The following MIB1 variants were observed in gnomAD, a reference collection of about 807,000 sequenced individuals.
The protein encoded by MIB1 is MIB E3 ubiquitin protein ligase 1, also known as E3 ubiquitin-protein ligase MIB1.
MIB1 carries 278 observed loss-of-function variants against 124.5 expected under a neutral mutation model. That is an observed-to-expected ratio of 2.23 (90% CI 2.02 to 2.47). MIB1 has a LOEUF of 2.47. Ranked by LOEUF, MIB1 falls within the 30% of genes most tolerant of loss-of-function variation. The probability of loss-of-function intolerance (pLI) is 0.00; values close to 1 mark genes in which losing one functional copy is unlikely to be tolerated. For missense variants in MIB1, 957 were observed against 1,254.4 expected (o/e 0.76, Z 3.58); for synonymous variants, 446 against 429.4 (o/e 1.04, Z -0.48).
chr18:21,790,496 T>A (rs2041489710), intron 6 of MIB1, among the ~76,000 whole-genome samples: 1 of 152,138 alleles, frequency 6.6e-6, no homozygotes, highest in Non-Finnish European at 1.5e-5. Context: ...TCTGTGACAC[T>A]AAAAAATAAA....
rs1195745791 is a variant in MIB1 at position 21,768,753 on chromosome 18, G to C, written c.531+1G>C. On this transcript the variant is annotated splice_donor_variant, in intron 3 of 20. Transcript: ENST00000261537. LOFTEE classifies it high-confidence loss of function. ...TGGAGGAAATGGACGTAGGGGAAAGGTACAGTGTTTCTCTGAATTCATTAT... is the reference window on the plus strand; with the variant it reads ...TGGAGGAAATGGACGTAGGGGAAAGCTACAGTGTTTCTCTGAATTCATTAT... 6.2e-7 allele frequency: 1 copy of C among 1,608,276 alleles called. No homozygotes were observed. The highest frequency in any genetic ancestry group is 8.5e-7 in the Non-Finnish European group (1 of 1,177,032).
intron 12 of MIB1, among the ~76,000 whole-genome samples, chr18:21,835,801 C>CTCCACGCA (rs1555695315): frequency 9.8e-6 from 1 of 101,586 alleles, no homozygotes. Context: ...ATATATATAT[C>CTCCACGCA]CACACACACA....
Position 21,772,292 on chromosome 18 carries a change from G to T in MIB1, c.532-1332G>T, listed in dbSNP as rs186530168. 1.7e-3 allele frequency among the ~76,000 whole-genome samples: 265 copies of T among 152,316 alleles called. 1 individual carries two copies. The highest frequency in any genetic ancestry group is 6.0e-3 in the African/African-American group (248 of 41,564). ...GTAACTATGAAGGATGGCTGTGATT[G>T]TAAGTATCAAGATGGAGAAGAGTAA... On this transcript the variant is annotated intron_variant, in intron 3 of 20. Coordinates refer to ENST00000261537, the MANE Select transcript of MIB1 (RefSeq NM_020774.4).
intron 11 of MIB1, among the ~76,000 whole-genome samples, chr18:21,816,023 T>C (rs2041827389): frequency 1.3e-5 from 2 of 152,176 alleles, no homozygotes; most frequent in African/African-American, 4.8e-5. Context: ...TGGGTTTTGA[T>C]TGGGCAGGGA....
chr18:21,781,008 G>A (rs1389501508), intron 6 of MIB1, among the ~76,000 whole-genome samples: 2 of 152,038 alleles, frequency 1.3e-5, no homozygotes, highest in East Asian at 3.9e-4. Context: ...GTCTACAGGT[G>A]TTCCCCTTTT....
chr18:21,764,765 C>T lies in MIB1; in HGVS notation c.230-1007C>T, dbSNP rs1372330619. ...AAAACAAAACAAAACAAAAAAACCC[C>T]ACATTATTTTATACGTAAATACTTC... is the stretch of plus-strand genomic sequence containing the variant. On this transcript the variant is annotated intron_variant, in intron 1 of 20. Transcript: ENST00000261537. Among the ~76,000 whole-genome samples the T allele has an allele frequency of 8.6e-5, 13 of 151,848 alleles. 1 individual carries two copies. Among genetic ancestry groups the T allele is most frequent in the Admixed American group, 7.9e-4 (12 of 15,258 alleles).
Position 21,838,455 on chromosome 18 carries a change from C to T in MIB1, c.1920C>T (p.Ala640=). The T allele has an allele frequency of 6.2e-7, 1 of 1,610,110 alleles. No individual in the cohort carries two copies. ...DDGYTALHLA[A]LNNHVEVAEL... ...GTTATACTGCCTTACATCTGGCTGC[C>T]CTTAATAATCACGTAGAAGTGGCTG... is the stretch of plus-strand genomic sequence containing the variant. Residue 640 remains alanine, a synonymous_variant, in exon 13 of 21, where the codon GCC becomes GCT. Coordinates refer to ENST00000261537, the MANE Select transcript of MIB1 (RefSeq NM_020774.4).
intron 1 of MIB1, among the ~76,000 whole-genome samples, chr18:21,743,902 A>G (rs1286098448): frequency 6.6e-6 from 1 of 152,148 alleles, no homozygotes; most frequent in Non-Finnish European, 1.5e-5. Context: ...CTTAATATAA[A>G]CGTAGATGTT....
intron 1 of MIB1, among the ~76,000 whole-genome samples, chr18:21,747,755 A>AT (rs1568184769): frequency 1.3e-5 from 2 of 152,054 alleles, no homozygotes; most frequent in South Asian, 4.1e-4. Flanking sequence ...TAGATTAGCT[A>AT]TTTCTTTTTG....
chr18:21,790,893 A>G (rs916484260), intron 6 of MIB1, among the ~76,000 whole-genome samples: 2 of 152,212 alleles, frequency 1.3e-5, no homozygotes, highest in African/African-American at 4.8e-5. Flanking sequence ...TCTTTCCCCA[A>G]ATTTGTATAT....
intron 18 of MIB1, chr18:21,854,894 TA>T: frequency 4.9e-6 from 1 of 203,882 alleles, no homozygotes; most frequent in Non-Finnish European, 1.0e-5. Flanking sequence ...CTTCTTGATA[TA>T]AAGGTAAACA....
chr18:21,798,846 T>C (rs1010796983), intron 8 of MIB1, among the ~76,000 whole-genome samples: 2 of 152,100 alleles, frequency 1.3e-5, no homozygotes, highest in Admixed American at 1.3e-4. Context: ...TGTGTGTACA[T>C]GTTGTCATCC....
At chr18:21,807,721 C>T (rs2041724837) in intron 10 of MIB1, among the ~76,000 whole-genome samples, 1 of 152,146 alleles carries the variant, frequency 6.6e-6, no homozygotes, top group Non-Finnish European at 1.5e-5. Flanking sequence ...AGTGATCTGG[C>T]TTTAAATGTC....
At chr18:21,855,069 A>G (rs1332268464) in intron 18 of MIB1, 1 of 152,276 alleles carries the variant, frequency 6.6e-6, no homozygotes, top group African/African-American at 2.4e-5. Flanking sequence ...GAGCAACACC[A>G]ACTTTTATTG....
chr18:21,738,996 G>A (rs1159427397), upstream of MIB1, among the ~76,000 whole-genome samples: 3 of 151,856 alleles, frequency 2.0e-5, no homozygotes, highest in Admixed American at 2.0e-4. Flanking sequence ...AATGAATCCA[G>A]GAGCTGTTTT....
chr18:21,762,418 A>C (rs1422207193), intron 1 of MIB1, among the ~76,000 whole-genome samples: 1 of 152,240 alleles, frequency 6.6e-6, no homozygotes, highest in African/African-American at 2.4e-5. Context: ...TTGTAGAAGA[A>C]TTATTACTGA....
chr18:21,748,325 T>TTTTGC (rs1386803517), intron 1 of MIB1, among the ~76,000 whole-genome samples: 22 of 151,752 alleles, frequency 1.4e-4, no homozygotes, highest in Non-Finnish European at 2.2e-4. Flanking sequence ...ACCATTCTTT[T>TTTTGC]TTTGCTTTGC....
At chr18:21,860,048 A>G (rs950092850) in intron 20 of MIB1, among the ~76,000 whole-genome samples, 1 of 146,108 alleles carries the variant, frequency 6.8e-6, no homozygotes, top group Non-Finnish European at 1.5e-5. Flanking sequence ...CAAAAATAAG[A>G]GTAACGTTCC....
intron 18 of MIB1, among the ~76,000 whole-genome samples, chr18:21,854,340 A>G (rs978777063): frequency 6.6e-6 from 1 of 152,240 alleles, no homozygotes; most frequent in African/African-American, 2.4e-5. Flanking sequence ...ACTCTGCACT[A>G]TAGTGCAAAA....
Sources: allele counts gnomAD v4.1 joint callset (sites outside exome capture counted in the v4.1 genomes callset), GRCh38; gene constraint gnomAD v4.1.1; transcripts MANE v1.5; gene names NCBI Gene and HGNC (gene_info 2026-07-23, HGNC 2026-07-21).